The following OR2T35 variants were observed in gnomAD, a reference collection of about 807,000 sequenced individuals.
OR2T35 encodes olfactory receptor family 2 subfamily T member 35 (gene/pseudogene).
For missense variants in OR2T35, 47 were observed against 278.8 expected (o/e 0.17, Z 5.92); for synonymous variants, 18 against 110.2 (o/e 0.16, Z 5.24).
At chr1:248,644,175 G>GCAATCC (rs1448496520) in intron 1 of OR2T35, among the ~76,000 whole-genome samples, 5 of 120,468 alleles carry the variant, frequency 4.2e-5, no homozygotes, top group South Asian at 2.9e-4. Flanking sequence ...ATAGCAACCT[G>GCAATCC]GCGGATTGCA....
intron 1 of OR2T35, 121 bp downstream of exon 1, chr1:248,645,126 A>G (rs1255320392): frequency 1.9e-4 from 11 of 56,552 alleles, no homozygotes; most frequent in African/African-American, 3.0e-4. Context: ...TTGGCTTAAA[A>G]AAAAAACAAA....
chr1:248,644,189 TAACTAA>T (rs1377939935), intron 1 of OR2T35, among the ~76,000 whole-genome samples: 5 of 120,464 alleles, frequency 4.2e-5, no homozygotes, highest in African/African-American at 1.5e-4. Flanking sequence ...GATTGCAGGT[TAACTAA>T]AACTATGGAA....
chr1:248,641,713 AAG>A lies in OR2T35; in HGVS notation c.-22-2435_-22-2434del, dbSNP rs1211720973. ...AGACCGTGTTAAAAAAAAAAAAAAA[AAG>A]GTTCCTTGTGAGTGTGAGCGTTGTG... On this transcript the variant is annotated intron_variant, in intron 1 of 1. Transcript: ENST00000641268. Among the ~76,000 whole-genome samples the A allele has an allele frequency of 2.2e-3, 159 of 73,634 alleles. 9 individuals are homozygous for A. Among genetic ancestry groups the A allele is most frequent in the African/African-American group, 4.9e-3 (151 of 31,046 alleles). 48.3% of individuals were successfully genotyped at this position (73,634 alleles called of 152,430 possible).
rs3033658 is a variant in OR2T35, at chr1:248,641,697, T to TAAAA, written c.-22-2421_-22-2418dup. On this transcript the variant is annotated intron_variant, in intron 1 of 1. Transcript: ENST00000641268. ...CATTTTTATACAACCGAGACCGTGT[T>TAAAA]AAAAAAAAAAAAAAAAAGGTTCCTT... is the stretch of plus-strand genomic sequence containing the variant. Among the ~76,000 whole-genome samples, 101 of 58,846 alleles carry TAAAA rather than the reference T, an allele frequency of 1.7e-3. 1 individual carries two copies. The highest frequency in any genetic ancestry group is 3.6e-3 in the African/African-American group (97 of 27,238). The allele number at this position is 58,846 out of a possible 152,430, so 38.6% of individuals were successfully genotyped here. A position where few individuals can be genotyped will look rare whatever the true frequency, so the allele number is the denominator to read the frequency against.
intron 1 of OR2T35, among the ~76,000 whole-genome samples, chr1:248,642,216 CAAAAAAAAA>C (rs61189391): frequency 0.012 from 624 of 53,660 alleles, 18 homozygotes; most frequent in Middle Eastern, 0.029. Flanking sequence ...CTAGTCTTTC[CAAAAAAAAA>C]AAAAAAAAAA....
At chr1:248,644,982 A>AC (rs1343230120) in intron 1 of OR2T35, among the ~76,000 whole-genome samples, 1 of 27,056 alleles carries the variant, frequency 3.7e-5, no homozygotes. Flanking sequence ...CTTAGTTACC[A>AC]CCCCCCTTTA....
At chr1:248,642,267 T>A (rs1231569040) in intron 1 of OR2T35, among the ~76,000 whole-genome samples, 63 of 133,876 alleles carry the variant, frequency 4.7e-4, no homozygotes, top group African/African-American at 1.4e-3. Flanking sequence ...TTTATTTGCG[T>A]GATCAAAGCT....
In OR2T35 at chr1:248,641,713, A is replaced by AAAAG. The variant is rs199902940; in HGVS notation, c.-22-2434_-22-2433insCTTT. 9.8e-4 allele frequency among the ~76,000 whole-genome samples: 72 copies of AAAAG among 73,592 alleles called. 2 individuals are homozygous for AAAAG. The highest frequency in any genetic ancestry group is 2.1e-3 in the African/African-American group (66 of 31,004). The allele number at this position is 73,592 out of a possible 152,430, so 48.3% of individuals were successfully genotyped here. ...AGACCGTGTTAAAAAAAAAAAAAAA[A>AAAAG]AGGTTCCTTGTGAGTGTGAGCGTTG... On this transcript the variant is annotated intron_variant, in intron 1 of 1. Coordinates refer to ENST00000641268, the MANE Select transcript of OR2T35 (RefSeq NM_001001827.2).
rs1199042774 is a variant in OR2T35, at chr1:248,641,651, AAG to A, written c.-22-2373_-22-2372del. On this transcript the variant is annotated intron_variant, in intron 1 of 1. Transcript: ENST00000641268. ...AGAGTAAAAAAGCTGAAACAGGAGA[AAG>A]ATATGATTTTAGCCACCTCATTTTT... 3.5e-4 allele frequency among the ~76,000 whole-genome samples: 27 copies of A among 77,292 alleles called. 1 individual carries two copies. The highest frequency in any genetic ancestry group is 8.2e-4 in the African/African-American group (26 of 31,770). 50.7% of individuals were successfully genotyped at this position (77,292 alleles called of 152,430 possible).
intron 1 of OR2T35, among the ~76,000 whole-genome samples, chr1:248,644,233 T>G (rs558181781): frequency 1.8e-5 from 1 of 54,596 alleles, no homozygotes; most frequent in South Asian, 7.0e-4. Flanking sequence ...AGGAATACCA[T>G]GTCAGAATTC....
In OR2T35 at chr1:248,644,851, A is replaced by C. The variant is rs1404238976; in HGVS notation, c.-23+396T>G. Among the ~76,000 whole-genome samples, 2 of 139,718 alleles carry C rather than the reference A, an allele frequency of 1.4e-5. 1 individual carries two copies. The highest frequency in any genetic ancestry group is 3.1e-5 in the Non-Finnish European group (2 of 63,546). The allele number at this position is 139,718 out of a possible 152,430, so 91.7% of individuals were successfully genotyped here. On this transcript the variant is annotated intron_variant, in intron 1 of 1. Transcript: ENST00000641268. ...TCCGTCTGCTTTTATGAATGAATGC[A>C]TTTGGACCTTGCTTCCTACATTAAT...
At position 248,638,219 on chromosome 1, in the gene OR2T35, G is replaced by C; in HGVS notation, c.*68C>G. The stretch of plus-strand genomic sequence containing the variant: ...TCCTTCCTGATCAGTCACCACCCCT[G>C]ATGCTCTGGGAGTCCCCGCTAATCC... On this transcript the variant is annotated 3_prime_UTR_variant, in exon 2 of 2. Coordinates refer to ENST00000641268, the MANE Select transcript of OR2T35 (RefSeq NM_001001827.2). 1 of 945,214 alleles carries C rather than the reference G, an allele frequency of 1.1e-6. No homozygotes were observed. The highest frequency in any genetic ancestry group is 1.4e-5 in the South Asian group (1 of 73,804). 58.6% of individuals were successfully genotyped at this position (945,214 alleles called of 1,614,324 possible).
At chr1:248,642,245 AAAG>A (rs1660797111) in intron 1 of OR2T35, among the ~76,000 whole-genome samples, 1 of 105,246 alleles carries the variant, frequency 9.5e-6, no homozygotes, top group Admixed American at 1.0e-4. Flanking sequence ...AGAAAAAGAA[AAAG>A]AAAAAGCTTT....
chr1:248,642,185 A>G (rs1572108638), intron 1 of OR2T35, among the ~76,000 whole-genome samples: 1 of 76,740 alleles, frequency 1.3e-5, no homozygotes, highest in East Asian at 3.1e-4. Flanking sequence ...ACTCTAAGAC[A>G]CTTAGGTTCC....
chr1:248,641,986 A>G (rs1404760320), intron 1 of OR2T35, among the ~76,000 whole-genome samples: 5 of 67,376 alleles, frequency 7.4e-5, no homozygotes, highest in African/African-American at 1.3e-4. Flanking sequence ...GTAGACAGGG[A>G]AAATATCTGC....
chr1:248,645,025 G>A (rs1770066), intron 1 of OR2T35, among the ~76,000 whole-genome samples: 60,242 of 85,594 alleles, frequency 0.7, 20,403 homozygotes, highest in Non-Finnish European at 0.81. Flanking sequence ...GTTTTCATTC[G>A]TGGAAAAGTA....
chr1:248,642,228 AAAAAAAAGAAAAAG>A (rs1278213024), intron 1 of OR2T35, among the ~76,000 whole-genome samples: 9 of 62,386 alleles, frequency 1.4e-4, no homozygotes, highest in East Asian at 1.2e-3. Flanking sequence ...AAAAAAAAAA[AAAAAAAAGAAAAAG>A]AAAAAGAAAA....
intron 1 of OR2T35, among the ~76,000 whole-genome samples, 191 bp from the exon 2 acceptor site, chr1:248,639,471 A>G (rs531028687): frequency 2.0e-5 from 3 of 151,782 alleles, no homozygotes; most frequent in Non-Finnish European, 4.4e-5. Context: ...ACTCAATTTC[A>G]TCATCTGTGA....
At chr1:248,644,823 T>C (rs1436547040) in intron 1 of OR2T35, among the ~76,000 whole-genome samples, 1 of 140,334 alleles carries the variant, frequency 7.1e-6, no homozygotes, top group South Asian at 2.2e-4. Flanking sequence ...GCTACTCCTG[T>C]ACTCCGTCTG....
Sources: gnomAD v4.1 joint callset for allele counts (sites outside exome capture counted in the v4.1 genomes callset) on GRCh38, gnomAD v4.1.1 for gene constraint, MANE v1.5 for transcripts, NCBI Gene and HGNC (gene_info 2026-07-23, HGNC 2026-07-21) for gene names.